The following NHSL1 variants were observed in gnomAD, a reference collection of about 807,000 sequenced individuals.
NHSL1 encodes NHS like 1.
Under a neutral mutation model 95.0 loss-of-function variants are expected in NHSL1, and 48 were observed. That is an observed-to-expected ratio of 0.51 (90% CI 0.40 to 0.64). The LOEUF is 0.64. Among genes scored for constraint, NHSL1 ranks in the 30% least tolerant of loss-of-function variants. The pLI, the probability that NHSL1 is intolerant of heterozygous loss-of-function variation, is 0.00. For synonymous variants in NHSL1, 783 were observed against 833.9 expected, an observed-to-expected ratio of 0.94 and a Z score of 1.05; for missense variants, 1,971 against 2,077.7, an observed-to-expected ratio of 0.95 and a Z score of 1.00.
chr6:138,542,831 A>C (rs1283995587), intron 1 of NHSL1, among the ~76,000 whole-genome samples: 1 of 152,182 alleles, frequency 6.6e-6, no homozygotes, highest in African/African-American at 2.4e-5. Context: ...GGGCACAATC[A>C]TGACTCACTG....
chr6:138,444,021 T>C (rs1776701565), intron 4 of NHSL1, among the ~76,000 whole-genome samples: 1 of 152,082 alleles, frequency 6.6e-6, no homozygotes, highest in Non-Finnish European at 1.5e-5. Flanking sequence ...TTCTACTGGA[T>C]TATACATTTT....
intron 7 of NHSL1, among the ~76,000 whole-genome samples, chr6:138,427,554 A>G (rs1037638327): frequency 1.3e-5 from 2 of 152,184 alleles, no homozygotes; most frequent in Non-Finnish European, 2.9e-5. Context: ...AATTCTTTGC[A>G]TATACATACA....
chr6:138,633,174 C>T (rs922018645), intron 1 of NHSL1, among the ~76,000 whole-genome samples: 1 of 151,950 alleles, frequency 6.6e-6, no homozygotes, highest in African/African-American at 2.4e-5. Context: ...GAATAAAGAA[C>T]AATGAAGCAT....
At chr6:138,566,123 C>T (rs568965864) in intron 1 of NHSL1, among the ~76,000 whole-genome samples, 7 of 152,030 alleles carry the variant, frequency 4.6e-5, no homozygotes, top group South Asian at 2.1e-4. Context: ...GTTGGCCAGG[C>T]GTGGTGGCTC....
chr6:138,650,389 G>A, intron 1 of NHSL1: 1 of 1,412,980 alleles, frequency 7.1e-7, no homozygotes, highest in Non-Finnish European at 9.9e-7. Flanking sequence ...ACAGCCATGA[G>A]GTCGCCGACT....
intron 4 of NHSL1, among the ~76,000 whole-genome samples, chr6:138,446,000 G>T (rs1252818898): frequency 1.3e-5 from 2 of 151,458 alleles, no homozygotes; most frequent in East Asian, 3.9e-4. Flanking sequence ...TGCTCCTTGT[G>T]GGCTATGGAG....
At chr6:138,664,929 T>C (rs1393993517) in intron 1 of NHSL1, among the ~76,000 whole-genome samples, 1 of 152,164 alleles carries the variant, frequency 6.6e-6, no homozygotes, top group African/African-American at 2.4e-5. Context: ...ATTCAACTGA[T>C]TGGATGAGGC....
intron 1 of NHSL1, among the ~76,000 whole-genome samples, chr6:138,567,126 C>A (rs1431997084): frequency 6.6e-6 from 1 of 150,810 alleles, no homozygotes; most frequent in Non-Finnish European, 1.5e-5. Context: ...GAGACCTAGT[C>A]TTTATGTTTG....
intron 1 of NHSL1, among the ~76,000 whole-genome samples, chr6:138,595,069 T>G (rs977073484): frequency 6.6e-6 from 1 of 152,380 alleles, no homozygotes; most frequent in Admixed American, 6.5e-5. Flanking sequence ...CCCACTATGC[T>G]GAAGCCAAGC....
chr6:138,459,534 AAG>A (rs1777857683), intron 3 of NHSL1, among the ~76,000 whole-genome samples: 1 of 152,168 alleles, frequency 6.6e-6, no homozygotes, highest in Non-Finnish European at 1.5e-5. Flanking sequence ...ACCATGAACA[AAG>A]AGTGATAATA....
At chr6:138,484,920 C>G (rs923433497) in intron 2 of NHSL1, among the ~76,000 whole-genome samples, 1 of 152,178 alleles carries the variant, frequency 6.6e-6, no homozygotes, top group Admixed American at 6.5e-5. Context: ...TTCTTCTTGT[C>G]ACATGCCCAG....
intron 1 of NHSL1, among the ~76,000 whole-genome samples, chr6:138,517,348 T>G (rs1377125598): frequency 6.6e-6 from 1 of 152,248 alleles, no homozygotes; most frequent in Non-Finnish European, 1.5e-5. Context: ...AGAAACTGGA[T>G]GGTCATGATT....
upstream of NHSL1, among the ~76,000 whole-genome samples, chr6:138,500,147 C>A (rs893284938): frequency 8.6e-5 from 13 of 151,764 alleles, no homozygotes; most frequent in Non-Finnish European, 1.5e-4. Context: ...AGATAAAGTA[C>A]CCTAATCATT....
intron 1 of NHSL1, among the ~76,000 whole-genome samples, chr6:138,651,136 T>C (rs1785086813): frequency 6.6e-6 from 1 of 152,224 alleles, no homozygotes; most frequent in Non-Finnish European, 1.5e-5. Flanking sequence ...TCTAATATTT[T>C]TCAAAGAAAA....
chr6:138,526,518 G>A (rs1302401184), intron 1 of NHSL1, among the ~76,000 whole-genome samples: 1 of 152,070 alleles, frequency 6.6e-6, no homozygotes, highest in Non-Finnish European at 1.5e-5. Flanking sequence ...CACACACAGT[G>A]CCCACTCTTC....
chr6:138,628,383 C>G (rs1784773664), intron 1 of NHSL1, among the ~76,000 whole-genome samples: 1 of 151,776 alleles, frequency 6.6e-6, no homozygotes, highest in African/African-American at 2.4e-5. Context: ...TTCCTATATT[C>G]CATCTTTAAT....
At chr6:138,464,135 A>T in intron 3 of NHSL1, 1 of 562,754 alleles carries the variant, frequency 1.8e-6, no homozygotes. Context: ...CTGGTCCTCG[A>T]TCTCACTCCG....
At chr6:138,591,282 ATTAT>A (rs1382194366) in intron 1 of NHSL1, among the ~76,000 whole-genome samples, 2 of 152,258 alleles carry the variant, frequency 1.3e-5, no homozygotes, top group South Asian at 2.1e-4. Flanking sequence ...GTTTTCAAAT[ATTAT>A]TTAAAGTAGT....
At position 138,490,875 on chromosome 6, in the gene NHSL1, G is replaced by A. The variant is rs112435084; in HGVS notation, c.211+5344C>T. Among the ~76,000 whole-genome samples, 363 of 152,214 alleles carry A rather than the reference G, an allele frequency of 2.4e-3. 2 individuals carry two copies. The highest frequency in any genetic ancestry group is 8.1e-3 in the African/African-American group (336 of 41,536). ...TATCTATCTCCTGACCTCGTGATCCGCCCGCCTTGGCCTCCCAAAGTACTG... is the reference window on the plus strand; with the variant it reads ...TATCTATCTCCTGACCTCGTGATCCACCCGCCTTGGCCTCCCAAAGTACTG... On this transcript the variant is annotated intron_variant, in intron 2 of 7. Transcript: ENST00000343505.
Sources: gnomAD v4.1 joint callset for allele counts (sites outside exome capture counted in the v4.1 genomes callset) on GRCh38, gnomAD v4.1.1 for gene constraint, MANE v1.5 for transcripts, NCBI Gene and HGNC (gene_info 2026-07-23, HGNC 2026-07-21) for gene names.